The following FADS2 variants were observed in gnomAD, a reference collection of about 807,000 sequenced individuals.
FADS2 encodes acyl-CoA 6-desaturase.
Under a neutral mutation model 61.2 loss-of-function variants are expected in FADS2, and 18 were observed. The observed-to-expected ratio is 0.29, with a 90% confidence interval of 0.20 to 0.44. The LOEUF (loss-of-function observed/expected upper bound fraction) is 0.44, where lower values mean the gene tolerates loss of function less well. FADS2 is among the 20% of genes least tolerant of loss of function. FADS2 has a pLI of 1.00. For synonymous variants in FADS2, 203 were observed against 223.9 expected, an observed-to-expected ratio of 0.91 and a Z score of 0.83; for missense variants, 322 against 572.7, an observed-to-expected ratio of 0.56 and a Z score of 4.47.
intron 5 of FADS2, among the ~76,000 whole-genome samples, chr11:61,853,149 C>T (rs563897269): frequency 2.2e-3 from 302 of 137,222 alleles, no homozygotes; most frequent in South Asian, 4.8e-3. Flanking sequence ...AGTGAGACTC[C>T]GTCTCAAAAC....
At chr11:61,848,393 G>A (rs1451965909) in intron 5 of FADS2, 109 bp downstream of exon 5, 6 of 1,556,056 alleles carry the variant, frequency 3.9e-6, no homozygotes, top group Admixed American at 1.7e-5. Context: ...TGTTTGGCCT[G>A]GGCGAATGGC....
chr11:61,862,862 G>C (rs181778457), intron 7 of FADS2, 110 bp from the exon 8 acceptor site: 2 of 830,852 alleles, frequency 2.4e-6, no homozygotes, highest in South Asian at 1.5e-5. Flanking sequence ...AGTGGGCTGC[G>C]GTCCAGCTTC....
At chr11:61,834,958 C>T (rs1047664530) in intron 1 of FADS2, among the ~76,000 whole-genome samples, 18 of 150,868 alleles carry the variant, frequency 1.2e-4, no homozygotes, top group African/African-American at 4.1e-4. Flanking sequence ...TCCCTGCCCG[C>T]ACCCTGGGCC....
intron 1 of FADS2, among the ~76,000 whole-genome samples, chr11:61,833,282 C>G (rs557614625): frequency 6.6e-5 from 10 of 152,208 alleles, no homozygotes; most frequent in Non-Finnish European, 1.3e-4. Context: ...GAGCCTGGTT[C>G]CAATTCTTGG....
At chr11:61,839,345 T>C (rs1428529506) in intron 2 of FADS2, among the ~76,000 whole-genome samples, 1 of 151,532 alleles carries the variant, frequency 6.6e-6, no homozygotes, top group African/African-American at 2.4e-5. Flanking sequence ...TTTTTTGAGA[T>C]GGAGTTTTGC....
chr11:61,858,003 T>G (rs2067378257), intron 7 of FADS2, among the ~76,000 whole-genome samples: 1 of 152,168 alleles, frequency 6.6e-6, no homozygotes, highest in Admixed American at 6.5e-5. Context: ...TTCTCCCGGT[T>G]CTGGAGACCG....
chr11:61,848,314 G>T, intron 5 of FADS2, 30 bp downstream of exon 5: 1 of 1,610,868 alleles, frequency 6.2e-7, no homozygotes, highest in South Asian at 1.1e-5. Flanking sequence ...GTTGACCTAG[G>T]AAGTGTTTGT....
At position 61,816,533 on chromosome 11, in the gene FADS2, GC is replaced by G; in HGVS notation, c.141+112del. 1.9e-6 allele frequency: 3 copies of G among 1,597,042 alleles called. No homozygotes were observed. The highest frequency in any genetic ancestry group is 8.5e-7 in the Non-Finnish European group (1 of 1,173,362). On this transcript the variant is annotated intron_variant, in intron 1 of 11. Transcript: ENST00000257261. This position sits in a 1 kb window ranked among gnomAD's most constrained non-coding sequence, Gnocchi z 7.0. Reference sequence around the variant, plus strand: ...AGCCTCCGGTCCCGCCCTCTCCTGTGCCCCCGCCTGGCTGCGCTCACCGTGG... The same window carrying G: ...AGCCTCCGGTCCCGCCCTCTCCTGTGCCCCGCCTGGCTGCGCTCACCGTGG...
At chr11:61,863,478 C>G in intron 9 of FADS2, 100 bp downstream of exon 9, 1 of 959,818 alleles carries the variant, frequency 1.0e-6, no homozygotes, top group South Asian at 1.4e-5. Flanking sequence ...CTGGGCCTCC[C>G]GGGGCTGCCT....
At chr11:61,825,925 C>T, upstream of FADS2, 1 of 611,088 alleles carries the variant, frequency 1.6e-6, no homozygotes, top group Non-Finnish European at 2.9e-6. Context: ...AGGCACATGG[C>T]AGTGTCCAGT....
Position 61,834,824 on chromosome 11 carries a change from T to C in FADS2, c.208-2954T>C, listed in dbSNP as rs2067157330. 2.0e-5 allele frequency among the ~76,000 whole-genome samples: 3 copies of C among 152,194 alleles called. No homozygotes were observed. In the South Asian group the frequency reaches 6.2e-4, roughly 32 times the overall value. On this transcript the variant is annotated intron_variant, in intron 1 of 11. Coordinates refer to ENST00000278840, the MANE Select transcript of FADS2 (RefSeq NM_004265.4). ...CAGGCCCAGCCCTGGGCCCTGACTT[T>C]GGCAGCTCCTCCGGGCCTCTCCCAG... is the stretch of plus-strand genomic sequence containing the variant.
rs2066990575 is a variant in FADS2 at position 61,816,884 on chromosome 11, C to T, written c.141+458C>T. 2.0e-6 allele frequency: 3 copies of T among 1,475,926 alleles called. No individual in the cohort carries two copies. The highest frequency in any genetic ancestry group is 1.5e-5 in the African/African-American group (1 of 67,594). 91.4% of individuals were successfully genotyped at this position (1,475,926 alleles called of 1,614,324 possible). The stretch of plus-strand genomic sequence containing the variant: ...GCCAGCCGCCTGCGCGCCGGGTTTT[C>T]AGCACCGCAGGGCAGACCGGCGGGC... On this transcript the variant is annotated intron_variant, in intron 1 of 11. Coordinates refer to the FADS2 transcript ENST00000257261. The surrounding 1 kb of genome is among the most constrained non-coding windows in gnomAD (Gnocchi z 7.0).
At position 61,865,698 on chromosome 11, in the gene FADS2, C is replaced by T. The variant is rs369433268; in HGVS notation, c.*9C>T. 1.4e-5 allele frequency: 22 copies of T among 1,607,430 alleles called. No individual in the cohort carries two copies. The highest frequency in any genetic ancestry group is 3.3e-5 in the South Asian group (3 of 90,192). Reference sequence around the variant, plus strand: ...CCTACCTTCACAAATGAAGCCACAGCCCCCGGGACACCGTGGGGAAGGGGT... The same window carrying T: ...CCTACCTTCACAAATGAAGCCACAGTCCCCGGGACACCGTGGGGAAGGGGT... On this transcript the variant is annotated 3_prime_UTR_variant, in exon 12 of 12. Transcript: ENST00000278840. This position sits in a 1 kb window ranked among gnomAD's most constrained non-coding sequence, Gnocchi z 4.1.
chr11:61,854,261 T>C (rs2067336185), intron 5 of FADS2: 1 of 152,254 alleles, frequency 6.6e-6, no homozygotes, highest in Non-Finnish European at 1.5e-5. Context: ...GAGCCCCCAG[T>C]TGGGAAGAAG....
At chr11:61,834,011 C>T (rs2067150595) in intron 1 of FADS2, among the ~76,000 whole-genome samples, 2 of 152,234 alleles carry the variant, frequency 1.3e-5, no homozygotes, top group Non-Finnish European at 2.9e-5. Context: ...GTGGGTACGT[C>T]ACGCAGTCTG....
At chr11:61,848,332 G>A (rs376981471) in intron 5 of FADS2, 48 bp downstream of exon 5, 11 of 1,608,536 alleles carry the variant, frequency 6.8e-6, no homozygotes, top group African/African-American at 1.3e-5. Context: ...TGTCCTGGGC[G>A]AATGGCAGAC....
intron 4 of FADS2, among the ~76,000 whole-genome samples, chr11:61,845,203 C>T (rs1462138173): frequency 6.6e-6 from 1 of 151,978 alleles, no homozygotes; most frequent in Non-Finnish European, 1.5e-5. Flanking sequence ...CAGGAAAGCA[C>T]CCCTCACTCT....
chr11:61,847,006 G>T (rs2067265915), intron 4 of FADS2: 1 of 151,298 alleles, frequency 6.6e-6, no homozygotes, highest in Non-Finnish European at 1.5e-5. Flanking sequence ...CTGGAGTGCA[G>T]TGGTGTGATC....
At chr11:61,822,777 A>G (rs557336894) in intron 1 of FADS2, among the ~76,000 whole-genome samples, 2 of 152,376 alleles carry the variant, frequency 1.3e-5, no homozygotes, top group East Asian at 3.9e-4. Context: ...ATAGTAAGTC[A>G]TCATATATCT....
Sources: gnomAD v4.1 joint callset for allele counts (sites outside exome capture counted in the v4.1 genomes callset) on GRCh38, gnomAD v4.1.1 for gene constraint, Gnocchi (gnomAD v3.1) non-coding constraint, MANE v1.5 for transcripts, NCBI Gene and HGNC (gene_info 2026-07-23, HGNC 2026-07-21) for gene names.